Variants in PDIA5 observed in about 807,000 individuals in gnomAD.
PDIA5 encodes protein disulfide-isomerase A5.
PDIA5 carries 58 observed loss-of-function variants against 77.6 expected under a neutral mutation model. That is an observed-to-expected ratio of 0.75 (90% confidence interval 0.61 to 0.93). PDIA5 has a LOEUF of 0.93. Among genes scored for constraint, PDIA5 ranks in the 40% least tolerant of loss-of-function variants. The pLI, the probability that PDIA5 is intolerant of heterozygous loss-of-function variation, is 0.00. For synonymous variants in PDIA5, 250 were observed against 252.1 expected (o/e 0.99, Z 0.08); for missense variants, 630 against 647.7 (o/e 0.97, Z 0.30).
At chr3:123,113,912 G>A (rs1486978456) in intron 7 of PDIA5, among the ~76,000 whole-genome samples, 1 of 152,200 alleles carries the variant, frequency 6.6e-6, no homozygotes, top group Non-Finnish European at 1.5e-5. Context: ...ATGATAATTA[G>A]TCTTACCTCT....
intron 1 of PDIA5, among the ~76,000 whole-genome samples, chr3:123,076,983 G>A (rs574831029): frequency 3.9e-5 from 6 of 152,338 alleles, no homozygotes; most frequent in Non-Finnish European, 7.3e-5. Context: ...TTGTGCCATG[G>A]GGAATAAAAA....
At chr3:123,098,181 C>T (rs538767276) in intron 3 of PDIA5, among the ~76,000 whole-genome samples, 1 of 152,170 alleles carries the variant, frequency 6.6e-6, no homozygotes, top group East Asian at 1.9e-4. Flanking sequence ...CTCCATTCAG[C>T]TTATGTGGAT....
chr3:123,135,339 G>A (rs1195264364), intron 11 of PDIA5, among the ~76,000 whole-genome samples: 2 of 152,244 alleles, frequency 1.3e-5, no homozygotes, highest in South Asian at 4.2e-4. Context: ...GTCTCTCCTA[G>A]GCCTGTGGAC....
intron 2 of PDIA5, 103 bp from the exon 3 acceptor site, chr3:123,092,252 C>G (rs941227877): frequency 1.1e-6 from 1 of 879,284 alleles, no homozygotes; most frequent in South Asian, 1.4e-5. Context: ...TCTCCACCCC[C>G]TCTAGGATTG....
At chr3:123,093,994 GA>G (rs1433319588) in intron 3 of PDIA5, among the ~76,000 whole-genome samples, 1 of 152,212 alleles carries the variant, frequency 6.6e-6, no homozygotes, top group African/African-American at 2.4e-5. Context: ...GTGCCTGAGT[GA>G]AATGGGGTCA....
intron 11 of PDIA5, chr3:123,144,399 T>C (rs1234870498): frequency 6.6e-6 from 1 of 152,220 alleles, no homozygotes; most frequent in African/African-American, 2.4e-5. Context: ...GCAGCCTCCA[T>C]CCTGAGCCAG....
intron 7 of PDIA5, among the ~76,000 whole-genome samples, chr3:123,113,506 T>A (rs944233838): frequency 6.6e-6 from 1 of 152,170 alleles, no homozygotes; most frequent in Non-Finnish European, 1.5e-5. Context: ...AGGAGAAAAC[T>A]CGGAGGTTAA....
chr3:123,109,391 C>T (rs1934812807), intron 6 of PDIA5, among the ~76,000 whole-genome samples: 1 of 152,144 alleles, frequency 6.6e-6, no homozygotes, highest in African/African-American at 2.4e-5. Flanking sequence ...AGGTCTTTTA[C>T]TAGCTTTTAT....
intron 1 of PDIA5, among the ~76,000 whole-genome samples, chr3:123,070,839 T>C (rs926955314): frequency 4.6e-5 from 7 of 152,158 alleles, no homozygotes; most frequent in African/African-American, 7.2e-5. Context: ...CTAGGTCTCC[T>C]AGCTCAGTGG....
At chr3:123,148,531 T>C (rs980198270) in intron 13 of PDIA5, among the ~76,000 whole-genome samples, 2 of 151,562 alleles carry the variant, frequency 1.3e-5, no homozygotes, top group African/African-American at 4.9e-5. Context: ...ATGGTGCCAT[T>C]GTACTCCAGC....
At chr3:123,114,696 G>A (rs533718449) in intron 7 of PDIA5, among the ~76,000 whole-genome samples, 1 of 152,330 alleles carries the variant, frequency 6.6e-6, no homozygotes. Flanking sequence ...CAATGCCCCT[G>A]ACAAGTGTCA....
chr3:123,079,125 C>T (rs1256592025), intron 1 of PDIA5, among the ~76,000 whole-genome samples: 1 of 150,794 alleles, frequency 6.6e-6, no homozygotes, highest in Non-Finnish European at 1.5e-5. Context: ...TTTTTCTGAG[C>T]ATACTTTTGT....
intron 3 of PDIA5, among the ~76,000 whole-genome samples, chr3:123,101,795 C>T (rs1934602190): frequency 6.6e-6 from 1 of 152,058 alleles, no homozygotes; most frequent in African/African-American, 2.4e-5. Context: ...GGCTGTCCAC[C>T]CACTAAGCTT....
At position 123,080,154 on chromosome 3, in the gene PDIA5, GT is replaced by G. The variant is rs753710830; in HGVS notation, c.43-9013del. Among the ~76,000 whole-genome samples the G allele has an allele frequency of 3.7e-4, 55 of 149,890 alleles. 1 individual carries two copies. Among genetic ancestry groups the G allele is most frequent in the East Asian group, 2.3e-3 (12 of 5,118 alleles). On this transcript the variant is annotated intron_variant, in intron 1 of 16. Coordinates refer to ENST00000316218, the MANE Select transcript of PDIA5 (RefSeq NM_006810.4). ...GTGATAGGCTGACAGATGGGTGTGTGTGTGGGGGGGATTTAACATTTCTAAT... is the reference window on the plus strand; with the variant it reads ...GTGATAGGCTGACAGATGGGTGTGTGGTGGGGGGGATTTAACATTTCTAAT...
intron 7 of PDIA5, among the ~76,000 whole-genome samples, chr3:123,115,596 C>T (rs971871952): frequency 1.3e-5 from 2 of 152,078 alleles, no homozygotes; most frequent in African/African-American, 4.8e-5. Context: ...GTGACTTCTC[C>T]AAGGCCTTTA....
At chr3:123,094,907 G>A (rs764387340) in intron 3 of PDIA5, among the ~76,000 whole-genome samples, 4 of 152,206 alleles carry the variant, frequency 2.6e-5, no homozygotes, top group Non-Finnish European at 5.9e-5. Context: ...GACCAGGAAG[G>A]TCAGGAGTGC....
At chr3:123,105,417 G>T (rs928393111) in intron 5 of PDIA5, among the ~76,000 whole-genome samples, 1 of 152,176 alleles carries the variant, frequency 6.6e-6, no homozygotes, top group East Asian at 1.9e-4. Flanking sequence ...GGAAGACCCT[G>T]CCAATTCCAT....
At chr3:123,129,442 T>G (rs1935321982) in intron 10 of PDIA5, among the ~76,000 whole-genome samples, 1 of 152,170 alleles carries the variant, frequency 6.6e-6, no homozygotes, top group Admixed American at 6.5e-5. Context: ...GGTGGCAGAG[T>G]TCCATTGTGT....
intron 1 of PDIA5, among the ~76,000 whole-genome samples, chr3:123,080,016 G>A (rs1933957160): frequency 6.6e-6 from 1 of 152,176 alleles, no homozygotes; most frequent in Admixed American, 6.5e-5. Flanking sequence ...GAAGAACTCT[G>A]GGAATCACTG....
Sources: allele counts gnomAD v4.1 joint callset (sites outside exome capture counted in the v4.1 genomes callset), GRCh38; gene constraint gnomAD v4.1.1; transcripts MANE v1.5; gene names NCBI Gene and HGNC (gene_info 2026-07-23, HGNC 2026-07-21).